WWC1: variants seen among roughly 807,000 people sequenced by gnomAD.
WWC1 encodes the protein WW and C2 domain containing 1.
Under a neutral mutation model 138.4 loss-of-function variants are expected in WWC1, and 55 were observed. The observed-to-expected ratio is 0.40, with a 90% CI of 0.32 to 0.50. WWC1 has a LOEUF of 0.50. Ranked by LOEUF, WWC1 falls within the 20% of genes least tolerant of loss-of-function variation. The pLI is 0.72. For missense variants in WWC1, 1,226 were observed against 1,420.4 expected (o/e 0.86, Z 2.20); for synonymous variants, 524 against 564.9 (o/e 0.93, Z 1.03).
chr5:168,340,084 CTT>C (rs1273733237), intron 1 of WWC1, among the ~76,000 whole-genome samples: 1 of 145,636 alleles, frequency 6.9e-6, no homozygotes, highest in Non-Finnish European at 1.5e-5. Flanking sequence ...TTCTCTCTCT[CTT>C]TCTTTCTTTT....
intron 2 of WWC1, among the ~76,000 whole-genome samples, chr5:168,373,917 G>T (rs984989904): frequency 2.0e-5 from 3 of 151,556 alleles, no homozygotes; most frequent in African/African-American, 7.3e-5. Flanking sequence ...GTGGTGGCGG[G>T]CATCTGTAAT....
At chr5:168,403,045 TC>T (rs1779464352) in intron 5 of WWC1, among the ~76,000 whole-genome samples, 2 of 131,116 alleles carry the variant, frequency 1.5e-5, no homozygotes, top group Non-Finnish European at 3.1e-5. Flanking sequence ...TTTCTTTCTT[TC>T]TTTCTTTCTT....
Position 168,408,539 on chromosome 5 carries a change from T to C in WWC1, c.753T>C (p.Thr251=), listed in dbSNP as rs1409439057. Residue 251 remains threonine (T), a synonymous_variant, in exon 7 of 23, where the codon ACT becomes ACC. Transcript: ENST00000265293. ...CCATGTTGAAGGACGGCTTCCGCAC[T>C]GACAGGGGGTCTCACTCAGACCTGT... ...SLAMLKDGFR[T]DRGSHSDLWS... 1.9e-6 allele frequency: 3 copies of C among 1,614,006 alleles called. No homozygotes were observed. In the South Asian group the frequency reaches 3.3e-5, roughly 18 times the overall value.
rs1196272730 is a variant in WWC1 at position 168,291,782 on chromosome 5, GGCAGCGGCGGCGTGGAGGGC to G, written c.-364_-345del. 1 of 152,732 alleles carries G rather than the reference GGCAGCGGCGGCGTGGAGGGC, an allele frequency of 6.5e-6. No homozygotes were observed. Among genetic ancestry groups the G allele is most frequent in the Non-Finnish European group, 1.5e-5 (1 of 68,534 alleles). 9.5% of individuals were successfully genotyped at this position (152,732 alleles called of 1,614,324 possible). A position where few individuals can be genotyped will look rare whatever the true frequency, so the allele number is the denominator to read the frequency against. Reference sequence around the variant, plus strand: ...CTGCAGGGAGGAGGGAGGCGGCAGCGGCAGCGGCGGCGTGGAGGGCGCAGCGCGCCGCGCGGCGGAGGAGG... The same window carrying G: ...CTGCAGGGAGGAGGGAGGCGGCAGCGGCAGCGCGCCGCGCGGCGGAGGAGG... On this transcript the variant is annotated 5_prime_UTR_variant, in exon 1 of 23. Coordinates refer to ENST00000265293, the MANE Select transcript of WWC1 (RefSeq NM_015238.3).
At chr5:168,446,466 T>G (rs1755277607) in intron 17 of WWC1, among the ~76,000 whole-genome samples, 2 of 152,198 alleles carry the variant, frequency 1.3e-5, no homozygotes, top group African/African-American at 4.8e-5. Flanking sequence ...GAAACTTGGA[T>G]TTTTCATGTT....
chr5:168,441,568 C>T, intron 15 of WWC1, 114 bp from the exon 16 acceptor site: 2 of 1,054,418 alleles, frequency 1.9e-6, no homozygotes, highest in Non-Finnish European at 2.7e-6. Flanking sequence ...GCCGGGATGC[C>T]TACCTCTCAT....
chr5:168,367,894 C>T (rs1311136864), intron 1 of WWC1, among the ~76,000 whole-genome samples: 1 of 152,020 alleles, frequency 6.6e-6, no homozygotes. Context: ...AATAAAATTA[C>T]ACTGAAATCC....
chr5:168,293,138 G>A (rs1024448608), intron 1 of WWC1, among the ~76,000 whole-genome samples: 1 of 152,198 alleles, frequency 6.6e-6, no homozygotes, highest in Non-Finnish European at 1.5e-5. Flanking sequence ...GAGATAGCTC[G>A]GTGTGGCTCT....
intron 15 of WWC1, among the ~76,000 whole-genome samples, chr5:168,437,668 C>T (rs1754356618): frequency 6.6e-6 from 1 of 152,146 alleles, no homozygotes; most frequent in Admixed American, 6.5e-5. Flanking sequence ...TACGTAAATG[C>T]CCTCAAAAGT....
intron 19 of WWC1, among the ~76,000 whole-genome samples, chr5:168,459,469 T>C (rs1353625835): frequency 6.6e-6 from 1 of 152,086 alleles, no homozygotes; most frequent in Non-Finnish European, 1.5e-5. Flanking sequence ...GTTTTGATGC[T>C]CCCCAGCTGT....
chr5:168,431,524 G>A (rs1421704126), intron 15 of WWC1, 80 bp downstream of exon 15: 1 of 1,493,464 alleles, frequency 6.7e-7, no homozygotes, highest in Non-Finnish European at 9.0e-7. Context: ...CTGTGTTTAT[G>A]GGGATTGGTC....
intron 1 of WWC1, among the ~76,000 whole-genome samples, chr5:168,362,909 G>A (rs1172218627): frequency 6.6e-6 from 1 of 152,156 alleles, no homozygotes; most frequent in African/African-American, 2.4e-5. Context: ...TTGGGGTGGA[G>A]GAACCGTCTG....
At chr5:168,305,930 T>A (rs1770520448) in intron 1 of WWC1, among the ~76,000 whole-genome samples, 2 of 152,206 alleles carry the variant, frequency 1.3e-5, no homozygotes, top group South Asian at 4.1e-4. Context: ...ATATCTGCCT[T>A]CCTTACAAAC....
At chr5:168,314,878 G>A (rs1405526087) in intron 1 of WWC1, among the ~76,000 whole-genome samples, 1 of 152,204 alleles carries the variant, frequency 6.6e-6, no homozygotes, top group Non-Finnish European at 1.5e-5. Context: ...TCCCATCAGG[G>A]ATTAGGACAC....
chr5:168,463,425 C>T (rs796274697), intron 20 of WWC1, among the ~76,000 whole-genome samples: 10 of 152,274 alleles, frequency 6.6e-5, no homozygotes, highest in South Asian at 2.1e-4. Context: ...TGCCCTGTGA[C>T]GGTCTCTACA....
chr5:168,414,198 GA>G (rs896394009), intron 8 of WWC1, 149 bp from the exon 9 acceptor site: 59 of 1,226,998 alleles, frequency 4.8e-5, no homozygotes, highest in African/African-American at 2.0e-4. Flanking sequence ...TGTTTGTTTA[GA>G]AAAAAAATAG....
intron 1 of WWC1, among the ~76,000 whole-genome samples, chr5:168,338,260 G>A (rs565614005): frequency 4.6e-5 from 7 of 150,934 alleles, no homozygotes; most frequent in South Asian, 2.1e-4. Flanking sequence ...GTGGTGAGCC[G>A]AGATCGCGCC....
chr5:168,377,481 G>A (rs1416919712), intron 2 of WWC1, among the ~76,000 whole-genome samples: 1 of 152,146 alleles, frequency 6.6e-6, no homozygotes, highest in East Asian at 1.9e-4. Flanking sequence ...GCTATCAACA[G>A]AGTAAACAGA....
In WWC1 at chr5:168,467,714, A is replaced by T. The variant is rs1452397737; in HGVS notation, c.3151-126A>T. 3.7e-6 allele frequency: 5 copies of T among 1,360,856 alleles called. No individual in the cohort carries two copies. The East Asian group carries it at 1.2e-4, about 33-fold the overall frequency. The allele number at this position is 1,360,856 out of a possible 1,614,324, so 84.3% of individuals were successfully genotyped here. A position where few individuals can be genotyped will look rare whatever the true frequency, so the allele number is the denominator to read the frequency against. The stretch of plus-strand genomic sequence containing the variant: ...CCCATTATCGTTCTGAATGAAGTGG[A>T]TCCCACATGGAGCAAGAGTGAGGGT... On this transcript the variant is annotated intron_variant, in intron 21 of 22. Transcript: ENST00000265293.
Sources: gnomAD v4.1 joint callset for allele counts (sites outside exome capture counted in the v4.1 genomes callset) on GRCh38, gnomAD v4.1.1 for gene constraint, MANE v1.5 for transcripts, NCBI Gene and HGNC (gene_info 2026-07-23, HGNC 2026-07-21) for gene names.